The following ELOVL5 variants were observed in gnomAD, a reference collection of about 807,000 sequenced individuals.
ELOVL5 encodes ELOVL fatty acid elongase 5.
A neutral mutation model predicts 38.6 loss-of-function variants in ELOVL5; 8 were observed. The observed-to-expected ratio is 0.21, with a 90% CI of 0.12 to 0.37. The LOEUF (loss-of-function observed/expected upper bound fraction) is 0.37, where lower values mean the gene tolerates loss of function less well. ELOVL5 is among the 10% of genes least tolerant of loss of function. The pLI, the probability that ELOVL5 is intolerant of heterozygous loss-of-function variation, is 1.00. For synonymous variants in ELOVL5, 127 were observed against 133.7 expected, an observed-to-expected ratio of 0.95 and a Z score of 0.34; for missense variants, 280 against 367.8, an observed-to-expected ratio of 0.76 and a Z score of 1.95.
At chr6:53,301,148 T>C (rs752689889) in intron 1 of ELOVL5, among the ~76,000 whole-genome samples, 8 of 152,182 alleles carry the variant, frequency 5.3e-5, no homozygotes, top group African/African-American at 1.9e-4. Flanking sequence ...TCTGGATTTA[T>C]GGGAACGGCA....
chr6:53,287,377 A>G (rs73433447), intron 3 of ELOVL5, among the ~76,000 whole-genome samples: 328 of 152,308 alleles, frequency 2.2e-3, no homozygotes, highest in African/African-American at 7.6e-3. Context: ...CATTTGGTGG[A>G]GTAATCAGGT....
chr6:53,346,586 CAA>C (rs1298528820), intron 1 of ELOVL5, among the ~76,000 whole-genome samples: 1 of 151,364 alleles, frequency 6.6e-6, no homozygotes, highest in Admixed American at 6.6e-5. Flanking sequence ...AGCTGGTAGG[CAA>C]AGAGGAGGAA....
intron 1 of ELOVL5, among the ~76,000 whole-genome samples, chr6:53,313,646 G>C (rs904277133): frequency 6.6e-6 from 1 of 152,210 alleles, no homozygotes; most frequent in Non-Finnish European, 1.5e-5. Flanking sequence ...ACAGGCATGA[G>C]CCACCATGCC....
intron 1 of ELOVL5, among the ~76,000 whole-genome samples, chr6:53,304,572 TC>T (rs1227107231): frequency 6.6e-6 from 1 of 152,204 alleles, no homozygotes; most frequent in Non-Finnish European, 1.5e-5. Flanking sequence ...TCTCTGGTTT[TC>T]CTAGGCAGAG....
At chr6:53,286,647 A>T (rs1766581506) in intron 3 of ELOVL5, among the ~76,000 whole-genome samples, 1 of 152,214 alleles carries the variant, frequency 6.6e-6, no homozygotes, top group Non-Finnish European at 1.5e-5. Context: ...ATAAATTCCA[A>T]CACTGAAATA....
Position 53,270,705 on chromosome 6 carries a change from A to G in ELOVL5, c.644T>C (p.Ile215Thr), listed in dbSNP as rs1765886651. 3.1e-6 allele frequency: 5 copies of G among 1,614,092 alleles called. No homozygotes were observed. Among genetic ancestry groups the G allele is most frequent in the Non-Finnish European group, 4.2e-6 (5 of 1,180,028 alleles). ...GQLLQFVLTIIQTSCGVIWPC... is the reference protein window; with the variant it reads ...GQLLQFVLTITQTSCGVIWPC... Reference sequence around the variant, plus strand: ...CCAGATGACCCCGCAGCTGGTCTGGATGATTGTCAGCACAAACTGAAGCTA... The same window carrying G: ...CCAGATGACCCCGCAGCTGGTCTGGGTGATTGTCAGCACAAACTGAAGCTA... The change falls in exon 7 of 8, where the codon ATC (isoleucine) becomes ACC (threonine). Residue 215 changes from isoleucine to threonine, a missense_variant. This residue lies in a region of ELOVL5 where 125 missense variants were observed against 158.9 expected (regional missense o/e 0.79). Coordinates refer to ENST00000304434, the MANE Select transcript of ELOVL5 (RefSeq NM_021814.5).
intron 3 of ELOVL5, among the ~76,000 whole-genome samples, chr6:53,281,822 GT>G (rs56133416): frequency 2.9e-4 from 43 of 147,376 alleles, no homozygotes; most frequent in Admixed American, 1.7e-3. Flanking sequence ...CTCCACAGGT[GT>G]TTTTTTTTTT....
intron 1 of ELOVL5, among the ~76,000 whole-genome samples, chr6:53,305,157 A>G (rs1283103508): frequency 1.7e-4 from 17 of 101,562 alleles, no homozygotes; most frequent in Admixed American, 1.6e-3. Flanking sequence ...CAGGGGGCTG[A>G]CCCCCCCACC....
chr6:53,348,342 G>A (rs931663897), intron 1 of ELOVL5, among the ~76,000 whole-genome samples: 3 of 150,808 alleles, frequency 2.0e-5, no homozygotes, highest in Non-Finnish European at 3.0e-5. Flanking sequence ...CAGGCTCTTC[G>A]AACTCACCCG....
intron 3 of ELOVL5, among the ~76,000 whole-genome samples, chr6:53,286,210 T>C (rs964382424): frequency 4.6e-5 from 7 of 152,190 alleles, no homozygotes; most frequent in Non-Finnish European, 1.0e-4. Context: ...CTTACCATAT[T>C]TGCATAAGGA....
At chr6:53,280,888 C>T (rs1766325802) in intron 3 of ELOVL5, among the ~76,000 whole-genome samples, 1 of 152,182 alleles carries the variant, frequency 6.6e-6, no homozygotes, top group South Asian at 2.1e-4. Context: ...AGCCCCTGCA[C>T]CCAGCCAGGA....
intron 1 of ELOVL5, among the ~76,000 whole-genome samples, chr6:53,325,925 T>C (rs1768523859): frequency 6.6e-6 from 1 of 152,144 alleles, no homozygotes; most frequent in Non-Finnish European, 1.5e-5. Context: ...ACGTGAATGC[T>C]CCATAAATAT....
chr6:53,271,771 C>CT (rs1561861339), intron 6 of ELOVL5, among the ~76,000 whole-genome samples: 2 of 151,888 alleles, frequency 1.3e-5, no homozygotes, highest in East Asian at 3.9e-4. Flanking sequence ...TTTGCCTTCT[C>CT]TTTTTTAAGG....
chr6:53,322,593 C>T (rs2127587908), intron 1 of ELOVL5, among the ~76,000 whole-genome samples: 1 of 152,248 alleles, frequency 6.6e-6, no homozygotes, highest in East Asian at 1.9e-4. Flanking sequence ...ATCACCACAC[C>T]TAGAATAAAC....
At chr6:53,315,230 G>A (rs1461617570) in intron 1 of ELOVL5, among the ~76,000 whole-genome samples, 2 of 152,170 alleles carry the variant, frequency 1.3e-5, no homozygotes, top group African/African-American at 2.4e-5. Context: ...GGTAGAGAGA[G>A]TACTGGTCCC....
intron 2 of ELOVL5, among the ~76,000 whole-genome samples, chr6:53,292,561 C>T (rs553485543): frequency 1.0e-3 from 157 of 152,324 alleles, no homozygotes; most frequent in African/African-American, 2.7e-3. Flanking sequence ...GATGCCAAGG[C>T]GGGTGGATCA....
At chr6:53,343,027 C>T (rs1769392619) in intron 1 of ELOVL5, among the ~76,000 whole-genome samples, 1 of 152,126 alleles carries the variant, frequency 6.6e-6, no homozygotes, top group East Asian at 1.9e-4. Context: ...ATAACATTTA[C>T]GGGTTGAAAC....
intron 1 of ELOVL5, among the ~76,000 whole-genome samples, chr6:53,315,636 A>G (rs1767999006): frequency 6.6e-6 from 1 of 152,168 alleles, no homozygotes; most frequent in Admixed American, 6.5e-5. Context: ...GTTGTTCTTA[A>G]ATTTCCGGGG....
In ELOVL5 at chr6:53,333,374, T is replaced by A. The variant is rs142965888; in HGVS notation, c.-9+15443A>T. ...GAAATGCCTATAAAACCAGGTAGACTGTCTCATTAGAGGAAACTGACTTGA... is the reference window on the plus strand; with the variant it reads ...GAAATGCCTATAAAACCAGGTAGACAGTCTCATTAGAGGAAACTGACTTGA... On this transcript the variant is annotated intron_variant, in intron 1 of 7. Coordinates refer to ENST00000304434, the MANE Select transcript of ELOVL5 (RefSeq NM_021814.5). 2.8e-3 allele frequency among the ~76,000 whole-genome samples: 432 copies of A among 152,356 alleles called. 5 individuals are homozygous for A. The highest frequency in any genetic ancestry group is 9.9e-3 in the African/African-American group (410 of 41,594).
Sources: allele counts gnomAD v4.1 joint callset (sites outside exome capture counted in the v4.1 genomes callset), GRCh38; gene constraint gnomAD v4.1.1; regional missense constraint gnomAD v4.1.1; transcripts MANE v1.5; gene names NCBI Gene and HGNC (gene_info 2026-07-23, HGNC 2026-07-21).